TMTC1: variants seen among roughly 807,000 people sequenced by gnomAD.
TMTC1 encodes the protein transmembrane O-mannosyltransferase targeting cadherins 1, also known as protein O-mannosyl-transferase TMTC1.
A neutral mutation model predicts 104.8 loss-of-function variants in TMTC1; 73 were observed. That is an observed-to-expected ratio of 0.70 (90% CI 0.58 to 0.85). TMTC1 has a LOEUF of 0.85. Among genes scored for constraint, TMTC1 ranks in the 40% least tolerant of loss-of-function variants. TMTC1 has a pLI of 0.00. For synonymous variants in TMTC1, 434 were observed against 428.7 expected, an observed-to-expected ratio of 1.01 and a Z score of -0.15; for missense variants, 1,035 against 1,096.1, an observed-to-expected ratio of 0.94 and a Z score of 0.79.
chr12:29,604,310 C>A lies in TMTC1; in HGVS notation c.1129-11G>T. On this transcript the variant is annotated splice_polypyrimidine_tract_variant and intron_variant, in intron 6 of 17. Coordinates refer to ENST00000539277, the MANE Select transcript of TMTC1 (RefSeq NM_001193451.2). ...CTTGTGCTCCAGTCTCTGAAACACA[C>A]AATAGTGAAGGAAACATTAACTTCT... The A allele has an allele frequency of 2.5e-6, 4 of 1,613,688 alleles. No homozygotes were observed. Among genetic ancestry groups the A allele is most frequent in the Non-Finnish European group, 3.4e-6 (4 of 1,179,684 alleles).
chr12:29,523,233 A>G (rs938485291), intron 11 of TMTC1, among the ~76,000 whole-genome samples: 2 of 152,250 alleles, frequency 1.3e-5, no homozygotes, highest in Non-Finnish European at 2.9e-5. Context: ...TTGAGCAAGA[A>G]AGAGTTCACA....
At position 29,674,264 on chromosome 12, in the gene TMTC1, A is replaced by G. The variant is rs1940637631; in HGVS notation, c.939-40928T>C. Among the ~76,000 whole-genome samples the G allele has an allele frequency of 3.3e-5, 5 of 152,096 alleles. No individual in the cohort carries two copies. In the South Asian group the frequency reaches 1.0e-3, roughly 32 times the overall value. ...TAGGTCAAGATAATTTCCACCTTAC[A>G]AAGTCATCAAAAATATTTCTATGAG... is the stretch of plus-strand genomic sequence containing the variant. On this transcript the variant is annotated intron_variant, in intron 5 of 17. Transcript: ENST00000539277.
intron 10 of TMTC1, among the ~76,000 whole-genome samples, chr12:29,539,288 T>C (rs1250625115): frequency 6.6e-6 from 1 of 152,166 alleles, no homozygotes; most frequent in East Asian, 1.9e-4. Flanking sequence ...ATAGCACGTT[T>C]CTCTGATAAT....
chr12:29,592,908 G>A (rs999295164), intron 7 of TMTC1, among the ~76,000 whole-genome samples: 11 of 152,202 alleles, frequency 7.2e-5, no homozygotes, highest in Non-Finnish European at 1.3e-4. Flanking sequence ...ATTCCAGGTA[G>A]AAACAGACAT....
At chr12:29,534,588 G>C (rs190431850) in intron 11 of TMTC1, 3 of 152,288 alleles carry the variant, frequency 2.0e-5, no homozygotes, top group Admixed American at 1.3e-4. Context: ...TAAGCCATCT[G>C]ACACTTCTTA....
intron 5 of TMTC1, chr12:29,659,982 A>G (rs779396400): frequency 6.5e-7 from 1 of 1,533,942 alleles, no homozygotes; most frequent in Non-Finnish European, 8.7e-7. Context: ...AATGACAAGC[A>G]CCTTCAGAAA....
chr12:29,783,900 C>A lies in TMTC1; in HGVS notation c.-149G>T. ...GACCCGCCGCGAGCTCCCCGCGCTC[C>A]GCCGCCGCCTGCGCCGCGGAGTTGG... is the stretch of plus-strand genomic sequence containing the variant. On this transcript the variant is annotated 5_prime_UTR_variant, in exon 1 of 18. Transcript: ENST00000539277. The surrounding 1 kb of genome is among the most constrained non-coding windows in gnomAD (Gnocchi z 4.7). 1 of 759,910 alleles carries A rather than the reference C, an allele frequency of 1.3e-6. No homozygotes were observed. Among genetic ancestry groups the A allele is most frequent in the Non-Finnish European group, 1.6e-6 (1 of 611,694 alleles). The allele number at this position is 759,910 out of a possible 1,614,324, so 47.1% of individuals were successfully genotyped here. A position where few individuals can be genotyped will look rare whatever the true frequency, so the allele number is the denominator to read the frequency against.
chr12:29,553,142 G>T (rs1398008339), intron 10 of TMTC1, among the ~76,000 whole-genome samples: 1 of 152,166 alleles, frequency 6.6e-6, no homozygotes, highest in Non-Finnish European at 1.5e-5. Flanking sequence ...GTAATGTTTG[G>T]ATTGGAAAGC....
chr12:29,524,161 A>G (rs1013895707), intron 11 of TMTC1, among the ~76,000 whole-genome samples: 13 of 152,186 alleles, frequency 8.5e-5, no homozygotes, highest in African/African-American at 3.1e-4. Context: ...GTAACCATTG[A>G]AAACTTTTGA....
chr12:29,769,772 C>T (rs923057008), intron 1 of TMTC1, among the ~76,000 whole-genome samples: 3 of 152,224 alleles, frequency 2.0e-5, no homozygotes, highest in East Asian at 1.9e-4. Context: ...CACATCTGAT[C>T]GGTAGGTGTC....
chr12:29,691,049 G>A (rs1262197832), intron 5 of TMTC1, among the ~76,000 whole-genome samples: 1 of 152,140 alleles, frequency 6.6e-6, no homozygotes, highest in Non-Finnish European at 1.5e-5. Flanking sequence ...TTCCCAAAAA[G>A]ATCCCCTTCT....
intron 6 of TMTC1, among the ~76,000 whole-genome samples, chr12:29,608,030 A>T (rs2136417160): frequency 6.6e-6 from 1 of 152,340 alleles, no homozygotes; most frequent in South Asian, 2.1e-4. Context: ...AATACTCATG[A>T]AAAAATTTCT....
rs1943579387 is a variant in TMTC1, at chr12:29,501,113, A to C, written c.*5733T>G. The C allele has an allele frequency of 6.6e-6, 1 of 152,470 alleles. No homozygotes were observed. Among genetic ancestry groups the C allele is most frequent in the African/African-American group, 2.4e-5 (1 of 41,460 alleles). 9.4% of individuals were successfully genotyped at this position (152,470 alleles called of 1,614,324 possible). ...TTACAGCAAATCAAATGATTTCCAC[A>C]TTATAAAAGCAAGCCATGGCTTCTA... On this transcript the variant is annotated 3_prime_UTR_variant, in exon 18 of 18. Transcript: ENST00000539277.
chr12:29,769,088 C>G (rs1206959673), intron 1 of TMTC1, among the ~76,000 whole-genome samples: 1 of 152,164 alleles, frequency 6.6e-6, no homozygotes, highest in Non-Finnish European at 1.5e-5. Context: ...CTTATAGAAA[C>G]AGCTCTTCTT....
Position 29,631,255 on chromosome 12 carries a change from G to A in TMTC1, c.1128+1892C>T, listed in dbSNP as rs889179489. Among the ~76,000 whole-genome samples the A allele has an allele frequency of 3.3e-5, 5 of 151,986 alleles. No individual in the cohort carries two copies. The South Asian group carries it at 1.0e-3, about 31-fold the overall frequency. ...TTTGATGAAAAAAATATTTAATTTT[G>A]ATGATGTCCAATTTATCAACTTTTT... On this transcript the variant is annotated intron_variant, in intron 6 of 17. Coordinates refer to ENST00000539277, the MANE Select transcript of TMTC1 (RefSeq NM_001193451.2).
At chr12:29,746,850 G>A (rs1192716671) in intron 5 of TMTC1, among the ~76,000 whole-genome samples, 2 of 152,094 alleles carry the variant, frequency 1.3e-5, no homozygotes, top group Non-Finnish European at 2.9e-5. Flanking sequence ...AAAGGAGTTC[G>A]TTTTATGTAG....
At chr12:29,640,913 A>T (rs1452400310) in intron 5 of TMTC1, 1 of 152,150 alleles carries the variant, frequency 6.6e-6, no homozygotes, top group Non-Finnish European at 1.5e-5. Context: ...GCATGGTGGG[A>T]GTGAGACCAG....
At chr12:29,623,184 T>C (rs1480135551) in intron 6 of TMTC1, among the ~76,000 whole-genome samples, 2 of 152,234 alleles carry the variant, frequency 1.3e-5, no homozygotes, top group Non-Finnish European at 2.9e-5. Flanking sequence ...TTTGCATAGT[T>C]ATAAAAATGT....
At chr12:29,734,583 C>T (rs1438146359) in intron 5 of TMTC1, among the ~76,000 whole-genome samples, 1 of 152,104 alleles carries the variant, frequency 6.6e-6, no homozygotes, top group Admixed American at 6.6e-5. Context: ...ACAGATAGAT[C>T]CACATATAGA....
Sources: allele counts gnomAD v4.1 joint callset (sites outside exome capture counted in the v4.1 genomes callset), GRCh38; gene constraint gnomAD v4.1.1; non-coding constraint Gnocchi (gnomAD v3.1); transcripts MANE v1.5; gene names NCBI Gene and HGNC (gene_info 2026-07-23, HGNC 2026-07-21).